The following KAZN variants were observed in gnomAD, a reference collection of about 807,000 sequenced individuals.
KAZN encodes kazrin, periplakin interacting protein.
KAZN carries 40 observed loss-of-function variants against 87.4 expected under a neutral mutation model. That is an observed-to-expected ratio of 0.46 (90% CI 0.36 to 0.60). The LOEUF is 0.60. KAZN is among the 20% of genes least tolerant of loss of function. The pLI, the probability that KAZN is intolerant of heterozygous loss-of-function variation, is 0.00. For synonymous variants in KAZN, 466 were observed against 458.3 expected, an observed-to-expected ratio of 1.02 and a Z score of -0.22; for missense variants, 898 against 1,073.9, an observed-to-expected ratio of 0.84 and a Z score of 2.29.
intron 1 of KAZN, among the ~76,000 whole-genome samples, chr1:14,908,334 A>G (rs182904301): frequency 6.6e-6 from 1 of 152,122 alleles, no homozygotes; most frequent in East Asian, 2.0e-4. Context: ...TGAGGTCAGG[A>G]GTTCAAGATG....
intron 1 of KAZN, among the ~76,000 whole-genome samples, chr1:14,897,950 G>C (rs1655441735): frequency 6.6e-6 from 1 of 152,222 alleles, no homozygotes; most frequent in Admixed American, 6.5e-5. Context: ...AGTTCAGGAA[G>C]GGATGCGCAG....
intron 1 of KAZN, among the ~76,000 whole-genome samples, chr1:14,841,438 A>G (rs1179771274): frequency 1.4e-5 from 2 of 146,744 alleles, no homozygotes; most frequent in African/African-American, 5.1e-5. Context: ...AAAAAAAAAA[A>G]AAAGAAATGG....
intron 2 of KAZN, among the ~76,000 whole-genome samples, chr1:14,475,182 A>C (rs1668654045): frequency 6.6e-6 from 1 of 151,858 alleles, no homozygotes; most frequent in Non-Finnish European, 1.5e-5. Context: ...AGATAGACAA[A>C]GGAAAGATAT....
chr1:14,043,612 G>GT (rs57731348), intron 1 of KAZN, among the ~76,000 whole-genome samples: 3,036 of 150,544 alleles, frequency 0.02, 48 homozygotes, highest in Non-Finnish European at 0.03. Flanking sequence ...GTTATTTTCT[G>GT]TTTTTTTTTT....
At chr1:14,600,844 C>T (rs1413280948) in intron 1 of KAZN, among the ~76,000 whole-genome samples, 1 of 152,176 alleles carries the variant, frequency 6.6e-6, no homozygotes, top group East Asian at 1.9e-4. Context: ...CCCCTTTCTC[C>T]GCGAAGGAAA....
At chr1:14,673,532 C>A (rs1053171262) in intron 1 of KAZN, among the ~76,000 whole-genome samples, 1 of 152,134 alleles carries the variant, frequency 6.6e-6, no homozygotes, top group East Asian at 1.9e-4. Flanking sequence ...AGGGAGGAAG[C>A]GTCCTTCGAG....
At chr1:14,359,200 G>C (rs978875964) in intron 2 of KAZN, among the ~76,000 whole-genome samples, 2 of 151,782 alleles carry the variant, frequency 1.3e-5, no homozygotes, top group African/African-American at 4.8e-5. Context: ...CTTTATCTTT[G>C]TTGGTTTAAA....
intron 2 of KAZN, among the ~76,000 whole-genome samples, chr1:14,285,148 C>T (rs1009399585): frequency 2.0e-5 from 3 of 152,274 alleles, no homozygotes; most frequent in African/African-American, 7.2e-5. Context: ...AGTGCCCAGT[C>T]GGTAAAGTGT....
chr1:14,598,690 T>G lies in KAZN; in HGVS notation c.-308T>G. 1 of 1,301,620 alleles carries G rather than the reference T, an allele frequency of 7.7e-7. No individual in the cohort carries two copies. The highest frequency in any genetic ancestry group is 9.7e-7 in the Non-Finnish European group (1 of 1,031,952). 80.6% of individuals were successfully genotyped at this position (1,301,620 alleles called of 1,614,324 possible). On this transcript the variant is annotated 5_prime_UTR_variant, in exon 1 of 15. Transcript: ENST00000376030. This position sits in a 1 kb window ranked among gnomAD's most constrained non-coding sequence, Gnocchi z 4.2. Reference sequence around the variant, plus strand: ...GCCTGGTGGCGCGCGGTGTCCTTCTTGGAGCAGCTCTCGGCGCCCGCCCGC... The same window carrying G: ...GCCTGGTGGCGCGCGGTGTCCTTCTGGGAGCAGCTCTCGGCGCCCGCCCGC...
At chr1:15,059,518 G>T (rs138690980) in intron 5 of KAZN, among the ~76,000 whole-genome samples, 102 of 152,326 alleles carry the variant, frequency 6.7e-4, no homozygotes, top group Middle Eastern at 3.4e-3. Context: ...CCATGCTCTG[G>T]TGTGTAGAGT....
chr1:15,095,492 C>T (rs1056597653), intron 10 of KAZN, among the ~76,000 whole-genome samples: 11 of 152,090 alleles, frequency 7.2e-5, no homozygotes, highest in African/African-American at 1.9e-4. Flanking sequence ...CCACCCCCAC[C>T]GCTCATACCA....
At chr1:14,641,732 G>A (rs1367795058) in intron 1 of KAZN, among the ~76,000 whole-genome samples, 1 of 152,200 alleles carries the variant, frequency 6.6e-6, no homozygotes, top group Non-Finnish European at 1.5e-5. Flanking sequence ...GAAAGGCGAG[G>A]TGTGGCCATG....
rs184853390 is a variant in KAZN, at chr1:14,204,629, T to C, written c.249+24037T>C. On this transcript the variant is annotated intron_variant, in intron 2 of 16. Coordinates refer to the KAZN transcript ENST00000636203. The stretch of plus-strand genomic sequence containing the variant: ...AAAGAAAATATTTAGTCATATGGCC[T>C]TAGAATTATTAAAAGGTGACAAATG... 4.9e-3 allele frequency among the ~76,000 whole-genome samples: 751 copies of C among 152,360 alleles called. 4 individuals are homozygous for C. The highest frequency in any genetic ancestry group is 7.8e-3 in the Non-Finnish European group (529 of 68,034).
intron 2 of KAZN, among the ~76,000 whole-genome samples, chr1:14,353,619 T>G (rs1217463389): frequency 6.6e-6 from 1 of 152,138 alleles, no homozygotes; most frequent in Non-Finnish European, 1.5e-5. Context: ...AGTTAACATA[T>G]GAAACATAAT....
chr1:14,448,956 G>C (rs1392836891), intron 2 of KAZN, among the ~76,000 whole-genome samples: 1 of 152,194 alleles, frequency 6.6e-6, no homozygotes, highest in African/African-American at 2.4e-5. Flanking sequence ...TACAGATGGG[G>C]AAACTAAGAC....
chr1:14,353,247 C>T (rs113737492), intron 2 of KAZN, among the ~76,000 whole-genome samples: 5,734 of 143,706 alleles, frequency 0.04, 308 homozygotes, highest in East Asian at 0.19. Context: ...TTTTTTGAGA[C>T]GGAGTCTGGC....
At chr1:14,890,095 A>C (rs1001990673) in intron 1 of KAZN, among the ~76,000 whole-genome samples, 1 of 152,200 alleles carries the variant, frequency 6.6e-6, no homozygotes, top group Non-Finnish European at 1.5e-5. Flanking sequence ...TGATTCGGGA[A>C]GCTTACCACA....
intron 1 of KAZN, among the ~76,000 whole-genome samples, chr1:13,955,962 T>C (rs1641530484): frequency 1.3e-5 from 2 of 152,154 alleles, no homozygotes; most frequent in South Asian, 4.1e-4. Flanking sequence ...GTCCTTCTAT[T>C]GGACTCATCA....
At chr1:14,295,147 G>A (rs1449680467) in intron 2 of KAZN, among the ~76,000 whole-genome samples, 1 of 152,034 alleles carries the variant, frequency 6.6e-6, no homozygotes, top group Non-Finnish European at 1.5e-5. Flanking sequence ...TGTATCAGAT[G>A]GCTTTCCTTT....
Sources: allele counts gnomAD v4.1 joint callset (sites outside exome capture counted in the v4.1 genomes callset), GRCh38; gene constraint gnomAD v4.1.1; non-coding constraint Gnocchi (gnomAD v3.1); transcripts MANE v1.5; gene names NCBI Gene and HGNC (gene_info 2026-07-23, HGNC 2026-07-21).